TP53BP1: variants seen among roughly 807,000 people sequenced by gnomAD.
TP53BP1 encodes TP53-binding protein 1.
A neutral mutation model predicts 200.8 loss-of-function variants in TP53BP1; 61 were observed. That is an observed-to-expected ratio of 0.30 (90% confidence interval 0.25 to 0.38). The LOEUF is 0.38. Ranked by LOEUF, TP53BP1 falls within the 10% of genes least tolerant of loss-of-function variation. TP53BP1 has a pLI of 1.00. For synonymous variants in TP53BP1, 822 were observed against 844.3 expected (o/e 0.97, Z 0.46); for missense variants, 2,144 against 2,371.9 (o/e 0.90, Z 2.00).
Position 43,405,325 on chromosome 15 carries a change from AG to A in TP53BP1, c.*2057del, listed in dbSNP as rs1411163922. The stretch of plus-strand genomic sequence containing the variant: ...AAATAAATATCTGCGGCTTAGTGAT[AG>A]GACTCTACCTTTTCTCCTAGAAGCA... On this transcript the variant is annotated 3_prime_UTR_variant, in exon 28 of 28. Transcript: ENST00000382044. 1 of 1,251,074 alleles carries A rather than the reference AG, an allele frequency of 8.0e-7. No homozygotes were observed. Among genetic ancestry groups the A allele is most frequent in the Non-Finnish European group, 1.2e-6 (1 of 862,290 alleles). The allele number at this position is 1,251,074 out of a possible 1,614,324, so 77.5% of individuals were successfully genotyped here. A position where few individuals can be genotyped will look rare whatever the true frequency, so the allele number is the denominator to read the frequency against.
intron 10 of TP53BP1, among the ~76,000 whole-genome samples, chr15:43,470,742 G>A (rs1296012234): frequency 1.3e-5 from 2 of 152,120 alleles, no homozygotes; most frequent in Non-Finnish European, 2.9e-5. Context: ...AACTTGCTTG[G>A]AGTCAGCCCA....
intron 24 of TP53BP1, among the ~76,000 whole-genome samples, chr15:43,412,057 ATTGT>A (rs1032821959): frequency 1.8e-4 from 27 of 152,278 alleles, no homozygotes; most frequent in African/African-American, 6.5e-4. Flanking sequence ...TGCCTATCTG[ATTGT>A]TTGACAAGCT....
At chr15:43,493,434 C>T (rs1020017726), upstream of TP53BP1, among the ~76,000 whole-genome samples, 2 of 152,184 alleles carry the variant, frequency 1.3e-5, no homozygotes, top group East Asian at 3.9e-4. Context: ...ACTACTCAGA[C>T]ATTTCAGTAC....
intron 19 of TP53BP1, among the ~76,000 whole-genome samples, chr15:43,421,408 C>T (rs2045393842): frequency 6.6e-6 from 1 of 152,144 alleles, no homozygotes; most frequent in South Asian, 2.1e-4. Flanking sequence ...ACAAAGCTTC[C>T]TACTGCTGCT....
At chr15:43,414,700 A>C (rs1359195184) in intron 23 of TP53BP1, among the ~76,000 whole-genome samples, 1 of 151,642 alleles carries the variant, frequency 6.6e-6, no homozygotes, top group African/African-American at 2.4e-5. Flanking sequence ...GGAAGAGCAT[A>C]CTGAAATATG....
chr15:43,432,965 T>C (rs1283309110), intron 16 of TP53BP1, among the ~76,000 whole-genome samples: 2 of 152,072 alleles, frequency 1.3e-5, no homozygotes, highest in Admixed American at 6.6e-5. Flanking sequence ...ACTCTGAAAC[T>C]TGATGCAGGA....
At chr15:43,499,558 G>T (rs1230528631) in intron 1 of TP53BP1, among the ~76,000 whole-genome samples, 1 of 152,188 alleles carries the variant, frequency 6.6e-6, no homozygotes, top group Non-Finnish European at 1.5e-5. Flanking sequence ...CTTCAGTACA[G>T]CTAGGTCTCA....
chr15:43,507,043 T>C (rs1465492376), intron 1 of TP53BP1, among the ~76,000 whole-genome samples: 1 of 152,224 alleles, frequency 6.6e-6, no homozygotes, highest in African/African-American at 2.4e-5. Context: ...TTGAGCCACT[T>C]ACTCGAGCCC....
chr15:43,474,874 A>T, intron 9 of TP53BP1, 107 bp from the exon 10 acceptor site: 1 of 732,448 alleles, frequency 1.4e-6, no homozygotes, highest in Non-Finnish European at 2.2e-6. Flanking sequence ...GCATTCAGAT[A>T]AATACTTATC....
chr15:43,405,300 A>T lies in TP53BP1; in HGVS notation c.*2083T>A. 1 of 1,483,648 alleles carries T rather than the reference A, an allele frequency of 6.7e-7. No individual in the cohort carries two copies. The highest frequency in any genetic ancestry group is 9.4e-7 in the Non-Finnish European group (1 of 1,063,394). The allele number at this position is 1,483,648 out of a possible 1,614,324, so 91.9% of individuals were successfully genotyped here. ...AAAACATCCCATTCTAGCCACACAC[A>T]AATAAATATCTGCGGCTTAGTGATA... is the stretch of plus-strand genomic sequence containing the variant. On this transcript the variant is annotated 3_prime_UTR_variant, in exon 28 of 28. Coordinates refer to ENST00000382044, the MANE Select transcript of TP53BP1 (RefSeq NM_001141980.3).
chr15:43,451,782 C>A (rs2046177117), intron 12 of TP53BP1, among the ~76,000 whole-genome samples: 1 of 152,182 alleles, frequency 6.6e-6, no homozygotes, highest in Non-Finnish European at 1.5e-5. Context: ...AATGGTTGAA[C>A]TAGTTTACAG....
chr15:43,499,963 TGG>T (rs2079201428), intron 1 of TP53BP1, among the ~76,000 whole-genome samples: 1 of 152,188 alleles, frequency 6.6e-6, no homozygotes, highest in Non-Finnish European at 1.5e-5. Flanking sequence ...TTTAGTCATG[TGG>T]TTATAATGAA....
rs56866996 is a variant in TP53BP1, at chr15:43,457,671, CAAAAAAAAAAAA to C, written c.1390-465_1390-454del. Among the ~76,000 whole-genome samples the C allele has an allele frequency of 8.5e-3, 162 of 19,086 alleles. 2 individuals carry two copies. Among genetic ancestry groups the C allele is most frequent in the South Asian group, 0.022 (6 of 276 alleles). The allele number at this position is 19,086 out of a possible 152,430, so 12.5% of individuals were successfully genotyped here. A position where few individuals can be genotyped will look rare whatever the true frequency, so the allele number is the denominator to read the frequency against. ...TGGGTGACGGAGTGAGACTCCATCT[CAAAAAAAAAAAA>C]AAAAAAAAAAAAAAAAAAAGCTAGC... On this transcript the variant is annotated intron_variant, in intron 11 of 27. Coordinates refer to ENST00000382044, the MANE Select transcript of TP53BP1 (RefSeq NM_001141980.3).
chr15:43,405,084 G>A lies in TP53BP1; in HGVS notation c.*2299C>T. The stretch of plus-strand genomic sequence containing the variant: ...AGCTATTGTAGCAGAAGAGTCAAAA[G>A]AAACTCTTCAGTTTTAAGATGACAT... On this transcript the variant is annotated 3_prime_UTR_variant, in exon 28 of 28. Transcript: ENST00000382044. 1 of 1,197,874 alleles carries A rather than the reference G, an allele frequency of 8.3e-7. No individual in the cohort carries two copies. The highest frequency in any genetic ancestry group is 1.2e-6 in the Non-Finnish European group (1 of 829,998). The allele number at this position is 1,197,874 out of a possible 1,614,324, so 74.2% of individuals were successfully genotyped here. A position where few individuals can be genotyped will look rare whatever the true frequency, so the allele number is the denominator to read the frequency against.
intron 11 of TP53BP1, among the ~76,000 whole-genome samples, chr15:43,458,544 C>G (rs2046355352): frequency 6.6e-6 from 1 of 152,038 alleles, no homozygotes. Context: ...TTTGGGGAGG[C>G]TGAGGTGGGA....
At chr15:43,411,936 A>C (rs1161047109) in intron 24 of TP53BP1, among the ~76,000 whole-genome samples, 6 of 152,104 alleles carry the variant, frequency 3.9e-5, no homozygotes, top group South Asian at 4.1e-4. Flanking sequence ...GGAAAAAAAA[A>C]CCCATGACCA....
At chr15:43,509,832 A>C (rs1343401011) in intron 1 of TP53BP1, among the ~76,000 whole-genome samples, 4 of 143,176 alleles carry the variant, frequency 2.8e-5, no homozygotes, top group East Asian at 4.7e-4. Flanking sequence ...CAAACGGGAC[A>C]AAAAAAAACC....
chr15:43,403,122 G>GTA lies in TP53BP1; in HGVS notation c.*4259_*4260dup. ...TGCAAGGCACTGGGGATACAAAGAG[G>GTA]TATAATTCATGGCTCTGCCCTTAAG... is the stretch of plus-strand genomic sequence containing the variant. On this transcript the variant is annotated 3_prime_UTR_variant, in exon 28 of 28. Transcript: ENST00000382044. 1 of 152,196 alleles carries GTA rather than the reference G, an allele frequency of 6.6e-6. No homozygotes were observed. The highest frequency in any genetic ancestry group is 2.4e-5 in the African/African-American group (1 of 41,500). The allele number at this position is 152,196 out of a possible 1,614,324, so 9.4% of individuals were successfully genotyped here. A position where few individuals can be genotyped will look rare whatever the true frequency, so the allele number is the denominator to read the frequency against.
At position 43,432,219 on chromosome 15, in the gene TP53BP1, T is replaced by A; in HGVS notation, c.3650A>T (p.Asp1217Val). ...SGEKPVSAPG[D>V]DTESLHSQGE... ...CTGGCTATGGAGCGACTCTGTATCA[T>A]CCCCAGGAGCACTGACTGGTTTCTC... The change falls in exon 17 of 28, where the codon GAT becomes GTT. Residue 1217 changes from aspartate (D) to valine (V), a missense_variant. Coordinates refer to ENST00000382044, the MANE Select transcript of TP53BP1 (RefSeq NM_001141980.3). 3.1e-6 allele frequency: 5 copies of A among 1,614,000 alleles called. No individual in the cohort carries two copies. The highest frequency in any genetic ancestry group is 4.2e-6 in the Non-Finnish European group (5 of 1,179,980).
Sources: gnomAD v4.1 joint callset for allele counts (sites outside exome capture counted in the v4.1 genomes callset) on GRCh38, gnomAD v4.1.1 for gene constraint, MANE v1.5 for transcripts, NCBI Gene and HGNC (gene_info 2026-07-23, HGNC 2026-07-21) for gene names.